Variants in GSTA5 observed in about 807,000 individuals in gnomAD.
GSTA5 encodes the protein glutathione S-transferase alpha 5.
A neutral mutation model predicts 21.8 loss-of-function variants in GSTA5; 25 were observed. That is an observed-to-expected ratio of 1.14 (90% CI 0.83 to 1.60). GSTA5 has a LOEUF of 1.60. Among genes scored for constraint, GSTA5 ranks in the 40% most tolerant of loss-of-function variants. The probability of loss-of-function intolerance (pLI) is 0.00; values close to 1 mark genes in which losing one functional copy is unlikely to be tolerated. For synonymous variants in GSTA5, 102 were observed against 89.5 expected, an observed-to-expected ratio of 1.14 and a Z score of -0.78; for missense variants, 330 against 259.2, an observed-to-expected ratio of 1.27 and a Z score of -1.88.
exon 1 of GSTA5, chr6:52,840,755 C>T (rs150669459): frequency 6.0e-5 from 97 of 1,613,908 alleles, no homozygotes; most frequent in Middle Eastern, 3.3e-4. Context: ...CAGGAGCCAC[C>T]GAATGGACTC....
intron 3 of GSTA5, 80 bp downstream of exon 3, chr6:52,836,156 G>T: frequency 6.6e-7 from 1 of 1,508,686 alleles, no homozygotes; most frequent in Non-Finnish European, 9.1e-7. Context: ...ATGATGCCCT[G>T]CCATGGTCCC....
upstream of GSTA5, among the ~76,000 whole-genome samples, chr6:52,842,480 C>T (rs1200708558): frequency 6.8e-6 from 1 of 147,698 alleles, no homozygotes; most frequent in Non-Finnish European, 1.5e-5. Flanking sequence ...AATCTCAGCT[C>T]ATGCAACTTT....
At chr6:52,834,328 A>AT (rs1318986437) in intron 3 of GSTA5, 46 bp from the exon 4 acceptor site, 1 of 1,566,656 alleles carries the variant, frequency 6.4e-7, no homozygotes, top group Middle Eastern at 1.7e-4. Context: ...TTTGCCTTAG[A>AT]TTTTATAGGT....
At chr6:52,839,527 GCA>G (rs1764342692) in intron 1 of GSTA5, among the ~76,000 whole-genome samples, 1 of 152,208 alleles carries the variant, frequency 6.6e-6, no homozygotes, top group African/African-American at 2.4e-5. Flanking sequence ...GTGAAGCAAC[GCA>G]CAAAGTACCG....
At chr6:52,845,126 T>A (rs1368702189), upstream of GSTA5, among the ~76,000 whole-genome samples, 1 of 152,122 alleles carries the variant, frequency 6.6e-6, no homozygotes, top group Non-Finnish European at 1.5e-5. Context: ...TCTCTGTTTC[T>A]CTCTCTCTTT....
At chr6:52,838,183 A>G (rs146458392) in intron 1 of GSTA5, among the ~76,000 whole-genome samples, 42 of 152,330 alleles carry the variant, frequency 2.8e-4, no homozygotes, top group African/African-American at 9.6e-4. Flanking sequence ...AAAATTCTCA[A>G]TTTAATAAAG....
chr6:52,831,816 C>A, exon 6 of GSTA5: 1 of 1,612,372 alleles, frequency 6.2e-7, no homozygotes, highest in South Asian at 1.1e-5. Flanking sequence ...GAATATTGGT[C>A]TGGCATGTTC....
chr6:52,832,445 A>G (rs1764230413), intron 5 of GSTA5, among the ~76,000 whole-genome samples: 1 of 152,188 alleles, frequency 6.6e-6, no homozygotes, highest in African/African-American at 2.4e-5. Context: ...GAGGACCACA[A>G]TGTCTGACAA....
At chr6:52,833,668 A>T (rs1366752898) in intron 4 of GSTA5, among the ~76,000 whole-genome samples, 1 of 151,824 alleles carries the variant, frequency 6.6e-6, no homozygotes, top group Non-Finnish European at 1.5e-5. Context: ...TCCCACAGTC[A>T]CTCTCCTTTT....
chr6:52,834,836 C>T (rs866650212), intron 3 of GSTA5, among the ~76,000 whole-genome samples: 1 of 152,170 alleles, frequency 6.6e-6, no homozygotes, highest in Non-Finnish European at 1.5e-5. Flanking sequence ...CACATTTCCA[C>T]AGCCCTCTCC....
upstream of GSTA5, among the ~76,000 whole-genome samples, chr6:52,843,754 G>A (rs1474788341): frequency 6.6e-6 from 1 of 152,150 alleles, no homozygotes; most frequent in Non-Finnish European, 1.5e-5. Context: ...AAAGTGTGGG[G>A]CGCGGTTGTT....
Position 52,836,393 on chromosome 6 carries a change from G to T in GSTA5, c.140-25C>A, listed in dbSNP as rs748062811. ...TCTTAGAAAGAAGAAAAAAAAAGGA[G>T]TATGAAGTGTCTATGAAACCCACCC... On this transcript the variant is annotated intron_variant, in intron 2 of 5. Coordinates refer to ENST00000370989, the Ensembl canonical transcript of GSTA5. The T allele has an allele frequency of 5.0e-6, 8 of 1,609,962 alleles. No individual in the cohort carries two copies. The South Asian group carries it at 8.8e-5, about 18-fold the overall frequency.
intron 4 of GSTA5, among the ~76,000 whole-genome samples, chr6:52,833,486 C>T (rs1289637028): frequency 1.3e-5 from 2 of 152,162 alleles, no homozygotes; most frequent in Non-Finnish European, 2.9e-5. Flanking sequence ...CTCTATCTCC[C>T]TGGGTTCTGA....
chr6:52,833,387 G>A (rs1016768981), intron 4 of GSTA5, among the ~76,000 whole-genome samples: 9 of 152,124 alleles, frequency 5.9e-5, no homozygotes, highest in African/African-American at 1.9e-4. Context: ...CCCTTGGGCA[G>A]TGACTCCACC....
At position 52,839,068 on chromosome 6, in the gene GSTA5, T is replaced by A. The variant is rs566882565; in HGVS notation, c.88-1459A>T. Among the ~76,000 whole-genome samples the A allele has an allele frequency of 9.9e-5, 15 of 152,032 alleles. No individual in the cohort carries two copies. The East Asian group carries it at 1.9e-3, about 20-fold the overall frequency. On this transcript the variant is annotated intron_variant, in intron 1 of 5. Coordinates refer to ENST00000370989, the Ensembl canonical transcript of GSTA5. Reference sequence around the variant, plus strand: ...ATCACACAGGACCAGGATCTAGAGGTCATGGGGGTGTGTGCCAGCAATTAA... The same window carrying A: ...ATCACACAGGACCAGGATCTAGAGGACATGGGGGTGTGTGCCAGCAATTAA...
upstream of GSTA5, among the ~76,000 whole-genome samples, chr6:52,845,784 A>C (rs935472375): frequency 2.0e-5 from 3 of 152,176 alleles, no homozygotes; most frequent in African/African-American, 7.2e-5. Flanking sequence ...TTAAAATGCT[A>C]CCATTTCTTT....
intron 5 of GSTA5, among the ~76,000 whole-genome samples, chr6:52,832,620 C>A (rs192957595): frequency 3.3e-5 from 5 of 152,160 alleles, no homozygotes; most frequent in Non-Finnish European, 5.9e-5. Context: ...GCACTGGGTC[C>A]TTTCCATGAT....
intron 3 of GSTA5, 67 bp from the exon 4 acceptor site, chr6:52,834,349 C>G (rs4515387): frequency 6.6e-6 from 10 of 1,508,306 alleles, no homozygotes; most frequent in African/African-American, 4.2e-5. Flanking sequence ...TTATAAAAAC[C>G]TAAGAAAATA....
At chr6:52,832,109 C>T in intron 5 of GSTA5, 139 bp from the exon 6 acceptor site, 1 of 1,192,792 alleles carries the variant, frequency 8.4e-7, no homozygotes, top group Non-Finnish European at 1.2e-6. Context: ...CAGAAACAGA[C>T]ACCCAGTGAG....
Sources: allele counts gnomAD v4.1 joint callset (sites outside exome capture counted in the v4.1 genomes callset), GRCh38; gene constraint gnomAD v4.1.1; transcripts MANE v1.5; gene names NCBI Gene and HGNC (gene_info 2026-07-23, HGNC 2026-07-21).